The following DCC variants were observed in gnomAD, a reference collection of about 807,000 sequenced individuals.
DCC encodes the protein netrin receptor DCC.
Under a neutral mutation model 172.5 loss-of-function variants are expected in DCC, and 58 were observed. That is an observed-to-expected ratio of 0.34 (90% CI 0.27 to 0.42). The LOEUF is 0.42. Among genes scored for constraint, DCC ranks in the 10% least tolerant of loss-of-function variants. DCC has a pLI of 1.00. For missense variants in DCC, 1,740 were observed against 1,791.0 expected, an observed-to-expected ratio of 0.97 and a Z score of 0.51; for synonymous variants, 709 against 644.5, an observed-to-expected ratio of 1.10 and a Z score of -1.52.
rs542534128 is a variant in DCC at position 52,462,864 on chromosome 18, G to A, written c.91+121986G>A. 3.3e-5 allele frequency among the ~76,000 whole-genome samples: 5 copies of A among 152,196 alleles called. No individual in the cohort carries two copies. The South Asian group carries it at 1.0e-3, about 32-fold the overall frequency. On this transcript the variant is annotated intron_variant, in intron 1 of 28. Coordinates refer to ENST00000442544, the MANE Select transcript of DCC (RefSeq NM_005215.4). Reference sequence around the variant, plus strand: ...TGAATTATGTATTGAATGAATGAATGAATGAATGACGGAAATGTCCTCTCC... The same window carrying A: ...TGAATTATGTATTGAATGAATGAATAAATGAATGACGGAAATGTCCTCTCC...
intron 9 of DCC, among the ~76,000 whole-genome samples, chr18:53,185,220 T>G (rs980206319): frequency 5.3e-5 from 8 of 152,156 alleles, no homozygotes; most frequent in African/African-American, 1.7e-4. Context: ...AGGAATTCAT[T>G]TAGATTTAAT....
In DCC at chr18:53,460,286, T is replaced by TTG. The variant is rs1446163197; in HGVS notation, c.3619+829_3619+830insGT. Among the ~76,000 whole-genome samples, 983 of 118,370 alleles carry TTG rather than the reference T, an allele frequency of 8.3e-3. 42 individuals carry two copies. The highest frequency in any genetic ancestry group is 0.044 in the Admixed American group (494 of 11,256). The allele number at this position is 118,370 out of a possible 152,430, so 77.7% of individuals were successfully genotyped here. A position where few individuals can be genotyped will look rare whatever the true frequency, so the allele number is the denominator to read the frequency against. ...ATGAGGAGCTCCTGTTTTTTTTTTT[T>TTG]TTTTTTTTTTTTTTTTTAAGTTTTA... On this transcript the variant is annotated intron_variant, in intron 24 of 28. Coordinates refer to ENST00000442544, the MANE Select transcript of DCC (RefSeq NM_005215.4).
chr18:53,310,861 C>T (rs2057257543), intron 13 of DCC, among the ~76,000 whole-genome samples: 1 of 152,064 alleles, frequency 6.6e-6, no homozygotes. Context: ...AGCTTGAGGA[C>T]ACTTAGCATT....
intron 7 of DCC, among the ~76,000 whole-genome samples, chr18:53,115,137 G>GA (rs748172319): frequency 1.3e-4 from 19 of 151,610 alleles, no homozygotes; most frequent in South Asian, 6.2e-4. Flanking sequence ...AGAGGAAAGG[G>GA]AAAAAATCAC....
chr18:52,829,571 T>C (rs2038574317), intron 2 of DCC, among the ~76,000 whole-genome samples: 1 of 152,204 alleles, frequency 6.6e-6, no homozygotes, highest in Non-Finnish European at 1.5e-5. Flanking sequence ...AAGGCAATTC[T>C]ATTACAGTTC....
At chr18:52,807,300 G>A (rs2038106467) in intron 2 of DCC, among the ~76,000 whole-genome samples, 1 of 152,154 alleles carries the variant, frequency 6.6e-6, no homozygotes, top group African/African-American at 2.4e-5. Context: ...ACGGTGAGAT[G>A]CCCCATCTGA....
At position 53,450,592 on chromosome 18, in the gene DCC, G is replaced by A. The variant is rs774373571; in HGVS notation, c.3322G>A (p.Val1108Ile). Residue 1108 changes from valine (V) to isoleucine (I), a missense_variant, in exon 23 of 29, where the codon GTC (valine) becomes ATC (isoleucine). This residue lies in a region of DCC where 1,732 missense variants were observed against 1,767.4 expected (regional missense o/e 0.98). Coordinates refer to ENST00000442544, the MANE Select transcript of DCC (RefSeq NM_005215.4). ...TGTGATCATTGTGGTCACCGTTGGTGTCATCACAGTGCTGGTAGTGGTCAT... is the reference window on the plus strand; with the variant it reads ...TGTGATCATTGTGGTCACCGTTGGTATCATCACAGTGCTGGTAGTGGTCAT... The part of the protein sequence containing the change: ...LLVIIVVTVG[V>I]ITVLVVVIVA... 1 of 1,613,706 alleles carries A rather than the reference G, an allele frequency of 6.2e-7. No individual in the cohort carries two copies. Among genetic ancestry groups the A allele is most frequent in the Non-Finnish European group, 8.5e-7 (1 of 1,179,830 alleles).
At chr18:53,419,541 C>T (rs892955180) in intron 21 of DCC, among the ~76,000 whole-genome samples, 1 of 151,688 alleles carries the variant, frequency 6.6e-6, no homozygotes, top group African/African-American at 2.4e-5. Flanking sequence ...TGATTTTTTC[C>T]CTTTTTTTCT....
intron 1 of DCC, among the ~76,000 whole-genome samples, chr18:52,481,070 T>C (rs968043226): frequency 3.3e-5 from 5 of 152,204 alleles, no homozygotes; most frequent in African/African-American, 7.2e-5. Flanking sequence ...TCATATATAA[T>C]GGAGATAATT....
rs1024439205 is a variant in DCC, at chr18:52,907,292, A to C, written c.697+964A>C. Among the ~76,000 whole-genome samples the C allele has an allele frequency of 2.9e-4, 13 of 45,106 alleles. No homozygotes were observed. The South Asian group carries it at 3.1e-3, about 11-fold the overall frequency. The allele number at this position is 45,106 out of a possible 152,430, so 29.6% of individuals were successfully genotyped here. On this transcript the variant is annotated intron_variant, in intron 3 of 28. Transcript: ENST00000442544. The stretch of plus-strand genomic sequence containing the variant: ...TATACATGATATGTCATGGATATAT[A>C]CATATGGATATATACATATGTATAT...
rs139910264 is a variant in DCC at position 52,922,065 on chromosome 18, A to G, written c.698-1642A>G. On this transcript the variant is annotated intron_variant, in intron 3 of 28. Coordinates refer to ENST00000442544, the MANE Select transcript of DCC (RefSeq NM_005215.4). Reference sequence around the variant, plus strand: ...TGCGAGATTTGAAAAGTCACTTTGAAGAAAGGAAATGAAGCATACCATCAG... The same window carrying G: ...TGCGAGATTTGAAAAGTCACTTTGAGGAAAGGAAATGAAGCATACCATCAG... 3.4e-3 allele frequency among the ~76,000 whole-genome samples: 436 copies of G among 129,436 alleles called. 1 individual carries two copies. Among genetic ancestry groups the G allele is most frequent in the Non-Finnish European group, 5.7e-3 (312 of 54,732 alleles). The allele number at this position is 129,436 out of a possible 152,430, so 84.9% of individuals were successfully genotyped here.
At chr18:53,226,948 A>ATTTTTTTT (rs397976119) in intron 12 of DCC, among the ~76,000 whole-genome samples, 1 of 52,952 alleles carries the variant, frequency 1.9e-5, no homozygotes, top group African/African-American at 9.4e-5. Context: ...ATATATATAT[A>ATTTTTTTT]TTTTTTTTTT....
intron 13 of DCC, among the ~76,000 whole-genome samples, chr18:53,307,796 G>A (rs992226690): frequency 6.1e-5 from 9 of 148,464 alleles, no homozygotes; most frequent in Non-Finnish European, 1.3e-4. Flanking sequence ...AATAAATGAG[G>A]GCATCCCATT....
chr18:52,966,256 C>G (rs1483654922), intron 5 of DCC, among the ~76,000 whole-genome samples: 1 of 152,168 alleles, frequency 6.6e-6, no homozygotes, highest in Non-Finnish European at 1.5e-5. Flanking sequence ...ACTCTGCTAA[C>G]TTGAATGATT....
At chr18:52,893,512 A>G (rs1013947152) in intron 2 of DCC, among the ~76,000 whole-genome samples, 3 of 152,192 alleles carry the variant, frequency 2.0e-5, no homozygotes. Flanking sequence ...TCTTGTTTCA[A>G]TGACCTTTGA....
Position 52,695,353 on chromosome 18 carries a change from C to T in DCC, c.92-56701C>T, listed in dbSNP as rs142411972. On this transcript the variant is annotated intron_variant, in intron 1 of 28. Coordinates refer to ENST00000442544, the MANE Select transcript of DCC (RefSeq NM_005215.4). Reference sequence around the variant, plus strand: ...TATTTGAGTGTTAGGACTTTTCCAGCCTCCTGAAACTCTTCAATTATTAAT... The same window carrying T: ...TATTTGAGTGTTAGGACTTTTCCAGTCTCCTGAAACTCTTCAATTATTAAT... Among the ~76,000 whole-genome samples, 24 of 152,306 alleles carry T rather than the reference C, an allele frequency of 1.6e-4. No homozygotes were observed. In the East Asian group the frequency reaches 3.5e-3, roughly 22 times the overall value.
intron 13 of DCC, among the ~76,000 whole-genome samples, chr18:53,308,047 G>A (rs1020305461): frequency 8.0e-5 from 12 of 149,482 alleles, no homozygotes; most frequent in Non-Finnish European, 1.0e-4. Flanking sequence ...CAAATTCTAC[G>A]AGTTTATCCT....
intron 1 of DCC, among the ~76,000 whole-genome samples, chr18:52,741,108 T>C (rs909746209): frequency 4.6e-5 from 7 of 152,220 alleles, no homozygotes; most frequent in African/African-American, 1.7e-4. Flanking sequence ...GCCTTCTTTT[T>C]TCATATAAAC....
At chr18:52,430,304 T>A (rs1196789344) in intron 1 of DCC, among the ~76,000 whole-genome samples, 1 of 152,048 alleles carries the variant, frequency 6.6e-6, no homozygotes, top group Non-Finnish European at 1.5e-5. Flanking sequence ...CTGCAATGGT[T>A]CAGGTAAATG....
Sources: allele counts gnomAD v4.1 joint callset (sites outside exome capture counted in the v4.1 genomes callset), GRCh38; gene constraint gnomAD v4.1.1; regional missense constraint gnomAD v4.1.1; transcripts MANE v1.5; gene names NCBI Gene and HGNC (gene_info 2026-07-23, HGNC 2026-07-21).